Variants in ATP10D observed in about 807,000 individuals in gnomAD.
The protein encoded by ATP10D is phospholipid-transporting ATPase VD.
In ATP10D, 89 loss-of-function variants were observed where a neutral mutation model predicts 144.8. That is an observed-to-expected ratio of 0.61 (90% CI 0.52 to 0.73). The LOEUF (loss-of-function observed/expected upper bound fraction) is 0.73, where lower values mean the gene tolerates loss of function less well. ATP10D is among the 30% of genes least tolerant of loss of function. The probability of loss-of-function intolerance (pLI) is 0.00; values close to 1 mark genes in which losing one functional copy is unlikely to be tolerated. For synonymous variants in ATP10D, 571 were observed against 615.1 expected (o/e 0.93, Z 1.06); for missense variants, 1,603 against 1,714.8 (o/e 0.93, Z 1.15).
chr4:47,519,597 T>C (rs1050332802), intron 3 of ATP10D, among the ~76,000 whole-genome samples: 78 of 152,238 alleles, frequency 5.1e-4, no homozygotes, highest in African/African-American at 1.8e-3. Context: ...AGCATTGTGG[T>C]TTAACCTGTG....
At chr4:47,515,167 C>T (rs1316684319) in intron 2 of ATP10D, among the ~76,000 whole-genome samples, 1 of 151,790 alleles carries the variant, frequency 6.6e-6, no homozygotes. Context: ...TACCGTGTTG[C>T]CCAGGCTAGT....
rs1005565013 is a variant in ATP10D at position 47,593,229 on chromosome 4, G to A, written c.*1848G>A. ...ACATATGAATAGAGGAAAATACTGA[G>A]TGCTAATGTTACAGGGCCACAATCT... On this transcript the variant is annotated 3_prime_UTR_variant, in exon 23 of 23. Coordinates refer to ENST00000273859, the MANE Select transcript of ATP10D (RefSeq NM_020453.4). 3 of 152,046 alleles carry A rather than the reference G, an allele frequency of 2.0e-5. No individual in the cohort carries two copies. The highest frequency in any genetic ancestry group is 7.2e-5 in the African/African-American group (3 of 41,430). 9.4% of individuals were successfully genotyped at this position (152,046 alleles called of 1,614,324 possible). A position where few individuals can be genotyped will look rare whatever the true frequency, so the allele number is the denominator to read the frequency against.
intron 11 of ATP10D, 97 bp downstream of exon 11, chr4:47,555,011 A>C: frequency 9.5e-7 from 1 of 1,047,638 alleles, no homozygotes; most frequent in Admixed American, 2.1e-5. Flanking sequence ...GATAAAAATG[A>C]TAAATAATAG....
At chr4:47,569,874 A>G (rs886269163) in intron 16 of ATP10D, among the ~76,000 whole-genome samples, 1 of 152,190 alleles carries the variant, frequency 6.6e-6, no homozygotes. Context: ...GAAGACAGTG[A>G]AAATGAAAGC....
chr4:47,545,651 A>T (rs1249167537), intron 9 of ATP10D, among the ~76,000 whole-genome samples: 26 of 152,234 alleles, frequency 1.7e-4, no homozygotes. Flanking sequence ...TAACTGTGTA[A>T]GTCGTTAAGT....
intron 14 of ATP10D, 99 bp downstream of exon 14, chr4:47,561,174 A>C: frequency 6.8e-7 from 1 of 1,468,034 alleles, no homozygotes; most frequent in South Asian, 1.2e-5. Flanking sequence ...TCTAATAAAC[A>C]TATATGGTTC....
chr4:47,526,072 ATACTAT>A (rs1468580557), intron 5 of ATP10D, among the ~76,000 whole-genome samples: 1 of 152,232 alleles, frequency 6.6e-6, no homozygotes, highest in African/African-American at 2.4e-5. Flanking sequence ...AATTATCCTG[ATACTAT>A]TACCTTGATA....
In ATP10D at chr4:47,591,300, G is replaced by C. The variant is rs924872824; in HGVS notation, c.4200G>C (p.Leu1400=). ...CTATTGAGCAAGGAAACTTATCTCT[G>C]TGTGAAACTGCTTTAGATCAAGGCT... ...SCAIEQGNLS[L]CETALDQGYS... is the part of the protein sequence containing the mutation. The change falls in exon 23 of 23, where the codon CTG becomes CTC. Residue 1400 remains leucine (L), a synonymous_variant. Coordinates refer to ENST00000273859, the MANE Select transcript of ATP10D (RefSeq NM_020453.4). 1 of 1,613,318 alleles carries C rather than the reference G, an allele frequency of 6.2e-7. No homozygotes were observed.
intron 21 of ATP10D, among the ~76,000 whole-genome samples, chr4:47,586,170 CTT>C (rs1274731462): frequency 3.3e-5 from 5 of 152,168 alleles, no homozygotes; most frequent in Admixed American, 6.5e-5. Context: ...CATTGCCTGT[CTT>C]TTGGATACAA....
intron 21 of ATP10D, chr4:47,583,056 C>T (rs1720602775): frequency 1.3e-5 from 2 of 152,228 alleles, no homozygotes; most frequent in South Asian, 4.1e-4. Context: ...GGAGGAGGCT[C>T]ACTTGAGCCC....
In ATP10D at chr4:47,568,890, T is replaced by G. The variant is rs560654520; in HGVS notation, c.2907T>G (p.Thr969=). ...STILKELQKK[T]QALPEQVSLS... Reference sequence around the variant, plus strand: ...TTTTGAAAGAACTTCAGAAGAAAACTCAAGCCCTGCCAGAGCAAGTGTCAT... The same window carrying G: ...TTTTGAAAGAACTTCAGAAGAAAACGCAAGCCCTGCCAGAGCAAGTGTCAT... Residue 969 remains threonine, a synonymous_variant, in exon 16 of 23, where the codon ACT becomes ACG. Coordinates refer to ENST00000273859, the MANE Select transcript of ATP10D (RefSeq NM_020453.4). The G allele has an allele frequency of 6.2e-7, 1 of 1,614,138 alleles. No individual in the cohort carries two copies. The highest frequency in any genetic ancestry group is 1.7e-5 in the Admixed American group (1 of 60,022).
In ATP10D at chr4:47,515,537, T is replaced by A; in HGVS notation, c.352T>A (p.Phe118Ile). Reference sequence around the variant, plus strand: ...GAACTGGGTACCTTTGGTAGAAGCCTTCCAAAAGGAAATCACCATGTTGCC... The same window carrying A: ...GAACTGGGTACCTTTGGTAGAAGCCATCCAAAAGGAAATCACCATGTTGCC... ...VLNWVPLVEA[F>I]QKEITMLPLV... Residue 118 changes from phenylalanine to isoleucine, a missense_variant, in exon 3 of 23, where the codon TTC becomes ATC. Phe to Ile is a conservative substitution (Grantham distance 21). Transcript: ENST00000273859. The A allele has an allele frequency of 6.2e-7, 1 of 1,614,036 alleles. No homozygotes were observed. The highest frequency in any genetic ancestry group is 1.7e-5 in the Admixed American group (1 of 60,020).
At chr4:47,550,907 C>T (rs1003971375) in intron 10 of ATP10D, among the ~76,000 whole-genome samples, 1 of 152,190 alleles carries the variant, frequency 6.6e-6, no homozygotes. Flanking sequence ...ATAACAAACA[C>T]GGACCAGAAG....
intron 9 of ATP10D, among the ~76,000 whole-genome samples, chr4:47,537,722 T>C (rs1717925119): frequency 6.6e-6 from 1 of 152,168 alleles, no homozygotes; most frequent in Non-Finnish European, 1.5e-5. Context: ...AGTTCATAAC[T>C]TAAAATTAAG....
At chr4:47,536,296 A>C (rs1717842559) in intron 7 of ATP10D, 141 bp from the exon 8 acceptor site, 1 of 1,188,968 alleles carries the variant, frequency 8.4e-7, no homozygotes, top group Admixed American at 2.3e-5. Context: ...TAGCCTTTTG[A>C]ATTTGAATTT....
intron 1 of ATP10D, chr4:47,491,290 G>GATAACA (rs1715066323): frequency 2.4e-6 from 2 of 817,044 alleles, no homozygotes; most frequent in Admixed American, 4.4e-5. Flanking sequence ...GTTTTGCCAT[G>GATAACA]GTAACACTGG....
At chr4:47,518,267 AT>A (rs1716782950) in intron 3 of ATP10D, among the ~76,000 whole-genome samples, 1 of 152,138 alleles carries the variant, frequency 6.6e-6, no homozygotes, top group African/African-American at 2.4e-5. Context: ...AAGGCGCTTA[AT>A]TTTCTATAGA....
Position 47,590,688 on chromosome 4 carries a change from A to G in ATP10D, c.3942-354A>G, listed in dbSNP as rs145387251. 3.4e-3 allele frequency among the ~76,000 whole-genome samples: 517 copies of G among 152,172 alleles called. 2 individuals carry two copies. Among genetic ancestry groups the G allele is most frequent in the Admixed American group, 5.9e-3 (90 of 15,268 alleles). On this transcript the variant is annotated intron_variant, in intron 22 of 22. Coordinates refer to ENST00000273859, the MANE Select transcript of ATP10D (RefSeq NM_020453.4). Reference sequence around the variant, plus strand: ...GAAACTGGTACAAATAGCATTTTTAACACCTACTATGTGTCAACACTCTGC... The same window carrying G: ...GAAACTGGTACAAATAGCATTTTTAGCACCTACTATGTGTCAACACTCTGC...
At chr4:47,502,926 G>A (rs1715787473) in intron 1 of ATP10D, among the ~76,000 whole-genome samples, 1 of 152,158 alleles carries the variant, frequency 6.6e-6, no homozygotes, top group African/African-American at 2.4e-5. Context: ...TGTCACTCAG[G>A]TGCAGTGGCT....
Sources: allele counts gnomAD v4.1 joint callset (sites outside exome capture counted in the v4.1 genomes callset), GRCh38; gene constraint gnomAD v4.1.1; transcripts MANE v1.5; gene names NCBI Gene and HGNC (gene_info 2026-07-23, HGNC 2026-07-21).